The following PCSK6 variants were observed in gnomAD, a reference collection of about 807,000 sequenced individuals.
PCSK6 encodes proprotein convertase subtilisin/kexin type 6, also known as paired basic amino acid cleaving enzyme 4.
PCSK6 carries 85 observed loss-of-function variants against 123.3 expected under a neutral mutation model. The ratio of observed to expected loss-of-function variants is 0.69; its 90% CI spans 0.58 to 0.83. The LOEUF (loss-of-function observed/expected upper bound fraction) is 0.83. Among genes scored for constraint, PCSK6 ranks in the 40% least tolerant of loss-of-function variants. PCSK6 has a pLI of 0.00. For synonymous variants in PCSK6, 508 were observed against 516.0 expected, an observed-to-expected ratio of 0.98 and a Z score of 0.21; for missense variants, 1,191 against 1,282.3, an observed-to-expected ratio of 0.93 and a Z score of 1.09.
chr15:101,363,262 G>A (rs2041288217), intron 13 of PCSK6, among the ~76,000 whole-genome samples: 2 of 152,206 alleles, frequency 1.3e-5, no homozygotes, highest in African/African-American at 4.8e-5. Flanking sequence ...GGTAGGGCTC[G>A]TTGTATTCGG....
chr15:101,424,315 G>T (rs1596318912), intron 6 of PCSK6, among the ~76,000 whole-genome samples: 1 of 150,986 alleles, frequency 6.6e-6, no homozygotes, highest in Admixed American at 6.6e-5. Flanking sequence ...ATTAACAATC[G>T]ACTCATCGTC....
chr15:101,464,428 C>T (rs1263283562), intron 1 of PCSK6, among the ~76,000 whole-genome samples: 1 of 152,140 alleles, frequency 6.6e-6, no homozygotes, highest in Non-Finnish European at 1.5e-5. Flanking sequence ...TGTGTATAGT[C>T]TACAAGATTG....
At position 101,318,412 on chromosome 15, in the gene PCSK6, C is replaced by CCCGT; in HGVS notation, c.2472_2475dup (p.Gly826ThrfsTer7). On this transcript the variant is annotated frameshift_variant, in exon 19 of 22. Transcript: ENST00000611716. LOFTEE classifies it high-confidence loss of function. The stretch of plus-strand genomic sequence containing the variant: ...GGCTCACAGTCAGGAATGCAGCTGC[C>CCCGT]CCGTGCAAGGCTGTTGAAAAGAAAG... 6.4e-7 allele frequency: 1 copy of CCCGT among 1,558,190 alleles called. No homozygotes were observed. Among genetic ancestry groups the CCCGT allele is most frequent in the Non-Finnish European group, 8.7e-7 (1 of 1,150,832 alleles).
chr15:101,427,226 C>T (rs576035180), intron 6 of PCSK6, among the ~76,000 whole-genome samples: 15 of 152,240 alleles, frequency 9.9e-5, no homozygotes, highest in Non-Finnish European at 1.6e-4. Flanking sequence ...GCTGCTGCTC[C>T]GTAAAGGGAC....
At chr15:101,479,388 T>C (rs995190769) in intron 1 of PCSK6, among the ~76,000 whole-genome samples, 2 of 152,146 alleles carry the variant, frequency 1.3e-5, no homozygotes, top group African/African-American at 4.8e-5. Context: ...CACAGAGCAG[T>C]GGGGCTCTGA....
At chr15:101,408,529 C>T (rs1166811804) in intron 6 of PCSK6, among the ~76,000 whole-genome samples, 1 of 152,232 alleles carries the variant, frequency 6.6e-6, no homozygotes, top group Non-Finnish European at 1.5e-5. Flanking sequence ...CTCCTCCTTC[C>T]TATGGCTCCT....
At chr15:101,376,525 C>T (rs191360117) in intron 11 of PCSK6, among the ~76,000 whole-genome samples, 4 of 152,290 alleles carry the variant, frequency 2.6e-5, no homozygotes, top group East Asian at 3.9e-4. Flanking sequence ...AAAATGTGAC[C>T]GGAGGCTCAC....
chr15:101,416,495 A>C (rs2055891482), intron 6 of PCSK6, among the ~76,000 whole-genome samples: 1 of 152,244 alleles, frequency 6.6e-6, no homozygotes, highest in Non-Finnish European at 1.5e-5. Flanking sequence ...GGAGAAATTC[A>C]AGCCGGCTGC....
intron 6 of PCSK6, among the ~76,000 whole-genome samples, chr15:101,426,762 G>A (rs2056269489): frequency 8.7e-6 from 1 of 115,156 alleles, no homozygotes; most frequent in African/African-American, 2.9e-5. Context: ...CCCTCACCAA[G>A]GCTCGGTGGC....
intron 1 of PCSK6, among the ~76,000 whole-genome samples, chr15:101,451,774 T>C (rs1033535368): frequency 6.6e-6 from 1 of 152,188 alleles, no homozygotes; most frequent in African/African-American, 2.4e-5. Flanking sequence ...TTGATCCCGG[T>C]TGGTTTGCTT....
chr15:101,458,056 C>T (rs928525575), intron 1 of PCSK6, among the ~76,000 whole-genome samples: 14 of 152,312 alleles, frequency 9.2e-5, no homozygotes, highest in Admixed American at 2.6e-4. Flanking sequence ...GGTCCAGCCA[C>T]GTTTTAGGTG....
chr15:101,487,942 T>C (rs940115923), intron 1 of PCSK6, among the ~76,000 whole-genome samples: 2 of 152,162 alleles, frequency 1.3e-5, no homozygotes, highest in African/African-American at 4.8e-5. Flanking sequence ...TGTATATATG[T>C]AACATTTTAT....
intron 6 of PCSK6, among the ~76,000 whole-genome samples, chr15:101,403,313 C>G (rs1027120412): frequency 2.7e-5 from 4 of 148,942 alleles, no homozygotes; most frequent in African/African-American, 4.9e-5. Flanking sequence ...GGAGATATAC[C>G]TAATGCTAAA....
At chr15:101,349,751 T>G (rs2040842723) in intron 13 of PCSK6, among the ~76,000 whole-genome samples, 1 of 152,150 alleles carries the variant, frequency 6.6e-6, no homozygotes, top group Admixed American at 6.6e-5. Context: ...GGACCCAGGC[T>G]CCTCTGCCCC....
intron 1 of PCSK6, among the ~76,000 whole-genome samples, chr15:101,456,293 A>C (rs1426977938): frequency 6.6e-6 from 1 of 152,184 alleles, no homozygotes; most frequent in Non-Finnish European, 1.5e-5. Context: ...AGACCCACCC[A>C]CAGTGACGAG....
At chr15:101,446,435 T>TGGG (rs2141161605) in intron 1 of PCSK6, among the ~76,000 whole-genome samples, 1 of 152,390 alleles carries the variant, frequency 6.6e-6, no homozygotes, top group East Asian at 1.9e-4. Flanking sequence ...GCTTGGCTGC[T>TGGG]GGGAATAATG....
At chr15:101,357,038 C>G (rs1412497861) in intron 13 of PCSK6, among the ~76,000 whole-genome samples, 1 of 152,232 alleles carries the variant, frequency 6.6e-6, no homozygotes, top group Admixed American at 6.5e-5. Context: ...TTTTAAAGCA[C>G]TTTTACACAG....
At chr15:101,313,648 G>A in intron 19 of PCSK6, 143 bp from the exon 20 acceptor site, 1 of 1,295,338 alleles carries the variant, frequency 7.7e-7, no homozygotes, top group Non-Finnish European at 1.0e-6. Flanking sequence ...CCCAGGTTCT[G>A]TGAGCTGGGC....
intron 2 of PCSK6, among the ~76,000 whole-genome samples, chr15:101,439,493 G>A (rs1043675318): frequency 2.6e-5 from 4 of 152,156 alleles, no homozygotes; most frequent in African/African-American, 7.2e-5. Context: ...GCAGTCCACC[G>A]TCCCCACGTG....
Sources: allele counts gnomAD v4.1 joint callset (sites outside exome capture counted in the v4.1 genomes callset), GRCh38; gene constraint gnomAD v4.1.1; transcripts MANE v1.5; gene names NCBI Gene and HGNC (gene_info 2026-07-23, HGNC 2026-07-21).